PLEKHG7: variants seen among roughly 807,000 people sequenced by gnomAD.
PLEKHG7 encodes the protein pleckstrin homology domain-containing family G member 7.
A neutral mutation model predicts 85.2 loss-of-function variants in PLEKHG7; 77 were observed. The observed-to-expected ratio is 0.90, with a 90% confidence interval of 0.75 to 1.09. The LOEUF (loss-of-function observed/expected upper bound fraction) is 1.09. Among genes scored for constraint, PLEKHG7 ranks in the 50% least tolerant of loss-of-function variants. The pLI is 0.00. For synonymous variants in PLEKHG7, 301 were observed against 302.4 expected, an observed-to-expected ratio of 1.00 and a Z score of 0.05; for missense variants, 777 against 804.3, an observed-to-expected ratio of 0.97 and a Z score of 0.41.
intron 3 of PLEKHG7, among the ~76,000 whole-genome samples, chr12:92,726,806 T>C (rs949288223): frequency 6.6e-6 from 1 of 152,204 alleles, no homozygotes; most frequent in Non-Finnish European, 1.5e-5. Flanking sequence ...AGAAGGTAGA[T>C]AGTCCTGTGT....
At chr12:92,703,631 T>C (rs555572857) in intron 1 of PLEKHG7, among the ~76,000 whole-genome samples, 1 of 152,368 alleles carries the variant, frequency 6.6e-6, no homozygotes, top group Non-Finnish European at 1.5e-5. Context: ...GCGGTGATAC[T>C]GGAAGAGAAA....
intron 9 of PLEKHG7, among the ~76,000 whole-genome samples, chr12:92,743,622 C>A (rs1043924723): frequency 6.6e-6 from 1 of 152,110 alleles, no homozygotes; most frequent in Non-Finnish European, 1.5e-5. Context: ...TGCGGTGGCA[C>A]GATCTCAGCT....
At chr12:92,753,746 A>G (rs1872751912) in intron 10 of PLEKHG7, among the ~76,000 whole-genome samples, 1 of 152,166 alleles carries the variant, frequency 6.6e-6, no homozygotes, top group Non-Finnish European at 1.5e-5. Context: ...TCAATTCTCA[A>G]TTGTCCTAAC....
intron 2 of PLEKHG7, 90 bp from the exon 3 acceptor site, chr12:92,707,560 G>A: frequency 1.3e-6 from 2 of 1,551,178 alleles, no homozygotes; most frequent in Non-Finnish European, 1.7e-6. Flanking sequence ...AACTAGGAGG[G>A]CTCATTGTTT....
intron 10 of PLEKHG7, among the ~76,000 whole-genome samples, chr12:92,752,182 ACT>A (rs1242280952): frequency 6.6e-6 from 1 of 151,760 alleles, no homozygotes; most frequent in Non-Finnish European, 1.5e-5. Flanking sequence ...GAGAGAAAGA[ACT>A]CTCTCTTTCC....
chr12:92,761,543 AG>A (rs869098250), intron 13 of PLEKHG7, among the ~76,000 whole-genome samples: 1 of 26,630 alleles, frequency 3.8e-5, no homozygotes, highest in Non-Finnish European at 8.0e-5. Flanking sequence ...ATTAAAAAAA[AG>A]AGAGAAAGAA....
chr12:92,726,604 G>A (rs1039533846), intron 3 of PLEKHG7, among the ~76,000 whole-genome samples: 9 of 152,144 alleles, frequency 5.9e-5, no homozygotes, highest in Non-Finnish European at 1.0e-4. Flanking sequence ...TCCCCAGCAC[G>A]ACAGACCCCT....
intron 13 of PLEKHG7, among the ~76,000 whole-genome samples, chr12:92,757,983 C>G (rs970750636): frequency 6.6e-6 from 1 of 152,208 alleles, no homozygotes; most frequent in Non-Finnish European, 1.5e-5. Flanking sequence ...GACTCGGGGC[C>G]TGTCTGTTGC....
intron 1 of PLEKHG7, 65 bp from the exon 2 acceptor site, chr12:92,706,406 C>T (rs931060410): frequency 2.7e-5 from 13 of 490,204 alleles, no homozygotes; most frequent in East Asian, 6.6e-5. Context: ...AATTTTAGAC[C>T]TTTTTTCTCA....
At chr12:92,711,255 T>C (rs990241880) in intron 3 of PLEKHG7, among the ~76,000 whole-genome samples, 16 of 152,216 alleles carry the variant, frequency 1.1e-4, no homozygotes, top group African/African-American at 3.6e-4. Flanking sequence ...CTGCATATTG[T>C]GCAGAATAAT....
At chr12:92,728,871 T>C (rs1246356288) in intron 3 of PLEKHG7, 122 bp from the exon 4 acceptor site, 3 of 704,602 alleles carry the variant, frequency 4.3e-6, no homozygotes, top group African/African-American at 3.7e-5. Context: ...CAATGGACTA[T>C]AAGCATCCCT....
chr12:92,742,240 C>G (rs1202642277), intron 9 of PLEKHG7, among the ~76,000 whole-genome samples: 1 of 152,126 alleles, frequency 6.6e-6, no homozygotes, highest in East Asian at 1.9e-4. Flanking sequence ...ATACCCTGTA[C>G]ACAATAATAT....
At chr12:92,715,838 G>A (rs1331157459) in intron 3 of PLEKHG7, among the ~76,000 whole-genome samples, 1 of 151,160 alleles carries the variant, frequency 6.6e-6, no homozygotes, top group Non-Finnish European at 1.5e-5. Flanking sequence ...CCACTCATTT[G>A]TGCATTGCCT....
chr12:92,739,981 CAG>C (rs1212058948), intron 7 of PLEKHG7, among the ~76,000 whole-genome samples: 1 of 152,162 alleles, frequency 6.6e-6, no homozygotes, highest in African/African-American at 2.4e-5. Flanking sequence ...GACCCCGTCA[CAG>C]ATGAGGGTGG....
intron 3 of PLEKHG7, among the ~76,000 whole-genome samples, chr12:92,725,175 A>G (rs554161926): frequency 6.6e-6 from 1 of 152,258 alleles, no homozygotes; most frequent in African/African-American, 2.4e-5. Context: ...TGGGGAAGGC[A>G]CCTAGGGGAT....
In PLEKHG7 at chr12:92,741,475, T is replaced by A; in HGVS notation, c.1036-16T>A. On this transcript the variant is annotated splice_polypyrimidine_tract_variant and intron_variant, in intron 8 of 16. Transcript: ENST00000344636. ...GGGTGTGTGCCTATTTTTGTTTTCT[T>A]TCTCTCTGTCCCTAGACAAGCCTTG... The A allele has an allele frequency of 6.3e-7, 1 of 1,589,308 alleles. No homozygotes were observed. The highest frequency in any genetic ancestry group is 1.1e-5 in the South Asian group (1 of 87,578).
intron 13 of PLEKHG7, among the ~76,000 whole-genome samples, chr12:92,761,329 A>C (rs939761742): frequency 1.3e-5 from 2 of 152,154 alleles, no homozygotes; most frequent in African/African-American, 4.8e-5. Flanking sequence ...AAGCCACTAC[A>C]AATAACATCT....
rs1246028534 is a variant in PLEKHG7 at position 92,770,516 on chromosome 12, CA to C, written c.*322del. On this transcript the variant is annotated 3_prime_UTR_variant, in exon 17 of 17. Coordinates refer to ENST00000344636, the MANE Select transcript of PLEKHG7 (RefSeq NM_001377329.1). The stretch of plus-strand genomic sequence containing the variant: ...GTGAATGATCAGATAAATGGAGTAT[CA>C]GAAGGAAAACAATGTCCACTGCTTA... The C allele has an allele frequency of 4.2e-6, 1 of 240,894 alleles. No individual in the cohort carries two copies. Among genetic ancestry groups the C allele is most frequent in the East Asian group, 1.3e-4 (1 of 7,548 alleles). The allele number at this position is 240,894 out of a possible 1,614,324, so 14.9% of individuals were successfully genotyped here.
chr12:92,766,516 CT>C (rs530368756), intron 15 of PLEKHG7, among the ~76,000 whole-genome samples: 137 of 146,646 alleles, frequency 9.3e-4, no homozygotes, highest in Middle Eastern at 3.6e-3. Flanking sequence ...TCCTCTATTT[CT>C]TTTTTTTTTT....
Sources: gnomAD v4.1 joint callset for allele counts (sites outside exome capture counted in the v4.1 genomes callset) on GRCh38, gnomAD v4.1.1 for gene constraint, MANE v1.5 for transcripts, NCBI Gene and HGNC (gene_info 2026-07-23, HGNC 2026-07-21) for gene names.